The following ARHGEF10L variants were observed in gnomAD, a reference collection of about 807,000 sequenced individuals.
ARHGEF10L encodes Rho guanine nucleotide exchange factor 10 like, also known as rho guanine nucleotide exchange factor 10-like protein.
Under a neutral mutation model 141.2 loss-of-function variants are expected in ARHGEF10L, and 69 were observed. The ratio of observed to expected loss-of-function variants is 0.49; its 90% CI spans 0.40 to 0.60. The LOEUF (loss-of-function observed/expected upper bound fraction) is 0.60, where lower values mean the gene tolerates loss of function less well. ARHGEF10L is among the 20% of genes least tolerant of loss of function. The pLI is 0.00. For synonymous variants in ARHGEF10L, 711 were observed against 718.5 expected, an observed-to-expected ratio of 0.99 and a Z score of 0.17; for missense variants, 1,482 against 1,734.3, an observed-to-expected ratio of 0.85 and a Z score of 2.58.
rs141323734 is a variant in ARHGEF10L at position 17,653,394 on chromosome 1, C to T, written c.2395-1242C>T. On this transcript the variant is annotated intron_variant, in intron 22 of 28. Coordinates refer to ENST00000361221, the MANE Select transcript of ARHGEF10L (RefSeq NM_018125.4). ...AGGAGAGGAGCCATTTGAGTATTTT[C>T]CACCATCTTCGACCCGGCTCTGTTG... is the stretch of plus-strand genomic sequence containing the variant. 2.4e-4 allele frequency among the ~76,000 whole-genome samples: 37 copies of T among 152,340 alleles called. No individual in the cohort carries two copies. In the East Asian group the frequency reaches 6.8e-3, roughly 28 times the overall value.
chr1:17,619,487 G>T lies in ARHGEF10L; in HGVS notation c.942+42G>T. 3 of 1,456,860 alleles carry T rather than the reference G, an allele frequency of 2.1e-6. No homozygotes were observed. Among genetic ancestry groups the T allele is most frequent in the South Asian group, 2.5e-5 (2 of 79,982 alleles). The allele number at this position is 1,456,860 out of a possible 1,614,324, so 90.2% of individuals were successfully genotyped here. A position where few individuals can be genotyped will look rare whatever the true frequency, so the allele number is the denominator to read the frequency against. ...GGCAGGTGGGGGTCTGCAGGGGAAG[G>T]GGTGGCTTGGGGGTTCCAGCCTGTT... On this transcript the variant is annotated intron_variant, in intron 10 of 28. Coordinates refer to ENST00000361221, the MANE Select transcript of ARHGEF10L (RefSeq NM_018125.4). This position sits in a 1 kb window ranked among gnomAD's most constrained non-coding sequence, Gnocchi z 5.0.
At chr1:17,570,308 T>C (rs1232510425) in intron 1 of ARHGEF10L, among the ~76,000 whole-genome samples, 1 of 152,154 alleles carries the variant, frequency 6.6e-6, no homozygotes, top group Admixed American at 6.5e-5. Context: ...GGACACTGGG[T>C]CAGGGCATGT....
chr1:17,538,027 T>C (rs1290950138), upstream of ARHGEF10L, among the ~76,000 whole-genome samples: 13 of 151,842 alleles, frequency 8.6e-5, no homozygotes, highest in Admixed American at 8.5e-4. Flanking sequence ...GGTGAGCTGA[T>C]TGTGCCAGCC....
rs1310538953 is a variant in ARHGEF10L at position 17,654,184 on chromosome 1, G to A, written c.2395-452G>A. On this transcript the variant is annotated intron_variant, in intron 22 of 28. Coordinates refer to ENST00000361221, the MANE Select transcript of ARHGEF10L (RefSeq NM_018125.4). This position sits in a 1 kb window ranked among gnomAD's most constrained non-coding sequence, Gnocchi z 4.3. ...GCAGCTGATTCAGGGGGGAGCAGGC[G>A]GAAGGTGGTTACTGGTGACAGCGGT... Among the ~76,000 whole-genome samples, 4 of 152,194 alleles carry A rather than the reference G, an allele frequency of 2.6e-5. No homozygotes were observed. The highest frequency in any genetic ancestry group is 1.9e-4 in the East Asian group (1 of 5,186).
chr1:17,695,642 C>T (rs536551311), intron 28 of ARHGEF10L, among the ~76,000 whole-genome samples: 1 of 152,336 alleles, frequency 6.6e-6, no homozygotes, highest in African/African-American at 2.4e-5. Context: ...GGGCCAGGCC[C>T]GGCCTGCTCG....
chr1:17,521,853 G>A, the ARHGEF10L span, among the ~76,000 whole-genome samples: 575 of 152,164 alleles, frequency 3.8e-3, 3 homozygotes, highest in Admixed American at 9.6e-3. Context: ...GTTGGAAGGG[G>A]GACATTTAGG....
chr1:17,629,713 C>G (rs1000106735), intron 15 of ARHGEF10L, among the ~76,000 whole-genome samples: 2 of 152,182 alleles, frequency 1.3e-5, no homozygotes, highest in Non-Finnish European at 2.9e-5. Flanking sequence ...AGCCATCCCC[C>G]ACACAAGCCT....
At chr1:17,588,581 C>A in intron 4 of ARHGEF10L, 102 bp downstream of exon 4, 1 of 1,456,256 alleles carries the variant, frequency 6.9e-7, no homozygotes, top group South Asian at 1.2e-5. Context: ...CCCGACTGGT[C>A]TTTGGCTAAG....
At position 17,621,894 on chromosome 1, in the gene ARHGEF10L, G is replaced by C; in HGVS notation, c.973G>C (p.Val325Leu). The change falls in exon 11 of 29, where the codon GTG (valine) becomes CTG (leucine). Residue 325 changes from valine to leucine, a missense_variant. Coordinates refer to ENST00000361221, the MANE Select transcript of ARHGEF10L (RefSeq NM_018125.4). The surrounding 1 kb of genome is among the most constrained non-coding windows in gnomAD (Gnocchi z 4.1). The part of the protein sequence containing the change: ...VVRRHILGSI[V>L]QSEGSYVESL... Reference sequence around the variant, plus strand: ...CCGGAGGCATATCCTGGGCTCCATCGTGCAGAGCGAAGGCAGCTACGTGGA... The same window carrying C: ...CCGGAGGCATATCCTGGGCTCCATCCTGCAGAGCGAAGGCAGCTACGTGGA... The C allele has an allele frequency of 6.2e-7, 1 of 1,614,186 alleles. No individual in the cohort carries two copies. The highest frequency in any genetic ancestry group is 8.5e-7 in the Non-Finnish European group (1 of 1,180,034).
intron 4 of ARHGEF10L, among the ~76,000 whole-genome samples, chr1:17,600,958 G>T (rs948447148): frequency 2.6e-5 from 4 of 151,008 alleles, no homozygotes; most frequent in African/African-American, 9.7e-5. Flanking sequence ...ACTGAGGTGG[G>T]AGGATTGCTT....
rs2078212100 is a variant in ARHGEF10L, at chr1:17,576,114, T to G, written c.-43-4439T>G. On this transcript the variant is annotated intron_variant, in intron 1 of 28. Transcript: ENST00000361221. ...AGACTTTCAGGGCCCCCAAGTGTTT[T>G]CTTCCTCCAGGCCTCATTCAGGTGG... Among the ~76,000 whole-genome samples the G allele has an allele frequency of 2.6e-5, 4 of 152,076 alleles. No individual in the cohort carries two copies. In the South Asian group the frequency reaches 8.3e-4, roughly 32 times the overall value.
chr1:17,602,918 T>G (rs180878105), intron 5 of ARHGEF10L, among the ~76,000 whole-genome samples: 1 of 151,508 alleles, frequency 6.6e-6, no homozygotes, highest in Non-Finnish European at 1.5e-5. Flanking sequence ...ACAGGAAGTC[T>G]GAGGGTGGGA....
At chr1:17,614,844 C>T (rs977399421) in intron 8 of ARHGEF10L, among the ~76,000 whole-genome samples, 1 of 152,176 alleles carries the variant, frequency 6.6e-6, no homozygotes, top group African/African-American at 2.4e-5. Context: ...CCATGCACAG[C>T]ACCTGGTGGC....
rs762516801 is a variant in ARHGEF10L at position 17,664,510 on chromosome 1, G to C, written c.2924G>C (p.Arg975Pro). The change falls in exon 26 of 29, where the codon CGC becomes CCC. Residue 975 changes from arginine (R) to proline (P), a missense_variant. By Grantham distance (103) the Arg-to-Pro change is moderately radical. Transcript: ENST00000361221. ...VCLTVGPGPV[R>P]TLLSLEDAVW... ...CTGACTGTGGGGCCCGGGCCTGTCC[G>C]CACCCTGTTGAGCCTGGAGGATGCC... 6.2e-7 allele frequency: 1 copy of C among 1,607,670 alleles called. No homozygotes were observed.
chr1:17,639,561 C>T lies in ARHGEF10L; in HGVS notation c.2172-641C>T, dbSNP rs2061214249. Among the ~76,000 whole-genome samples the T allele has an allele frequency of 6.6e-6, 1 of 152,148 alleles. No homozygotes were observed. The highest frequency in any genetic ancestry group is 6.5e-5 in the Admixed American group (1 of 15,284). Reference sequence around the variant, plus strand: ...CTGTCCGTCTCCCTTCCTCCATCTCCCTTCTCTCTGCCTCTCATTCTCCAC... The same window carrying T: ...CTGTCCGTCTCCCTTCCTCCATCTCTCTTCTCTCTGCCTCTCATTCTCCAC... On this transcript the variant is annotated intron_variant, in intron 20 of 28. Coordinates refer to ENST00000361221, the MANE Select transcript of ARHGEF10L (RefSeq NM_018125.4). The surrounding 1 kb of genome is among the most constrained non-coding windows in gnomAD (Gnocchi z 4.3).
At chr1:17,629,399 A>G (rs1053851443) in intron 15 of ARHGEF10L, among the ~76,000 whole-genome samples, 12 of 152,056 alleles carry the variant, frequency 7.9e-5, no homozygotes, top group African/African-American at 2.9e-4. Flanking sequence ...TAAAATTCAG[A>G]CTTGTGGGTC....
chr1:17,527,797 G>T, the ARHGEF10L span, among the ~76,000 whole-genome samples: 1 of 151,968 alleles, frequency 6.6e-6, no homozygotes, highest in African/African-American at 2.4e-5. Context: ...TCACTGAGGG[G>T]GTAGGTGACT....
At position 17,640,237 on chromosome 1, in the gene ARHGEF10L, T is replaced by C. The variant is rs2061253312; in HGVS notation, c.2207T>C (p.Ile736Thr). 6.2e-7 allele frequency: 1 copy of C among 1,613,188 alleles called. No homozygotes were observed. The highest frequency in any genetic ancestry group is 8.5e-7 in the Non-Finnish European group (1 of 1,179,676). The change falls in exon 21 of 29, where the codon ATC becomes ACC. Residue 736 changes from isoleucine to threonine, a missense_variant. Around this residue, in one of 3 missense-constraint regions of ARHGEF10L, gnomAD observed 858 missense variants for 966.3 expected, o/e 0.89. Coordinates refer to ENST00000361221, the MANE Select transcript of ARHGEF10L (RefSeq NM_018125.4). ...GRPISFMVVF[I>T]TPNPLSKISW... The stretch of plus-strand genomic sequence containing the variant: ...CCCATTAGCTTCATGGTGGTTTTCA[T>C]CACCCCCAACCCCCTGAGCAAGATT...
At chr1:17,672,365 G>A in intron 26 of ARHGEF10L, among the ~76,000 whole-genome samples, 1 of 152,100 alleles carries the variant, frequency 6.6e-6, no homozygotes, top group Non-Finnish European at 1.5e-5. Context: ...GAAACGGGTG[G>A]GAATTTGCAA....
Sources: gnomAD v4.1 joint callset for allele counts (sites outside exome capture counted in the v4.1 genomes callset) on GRCh38, gnomAD v4.1.1 for gene constraint, gnomAD v4.1.1 regional missense constraint, Gnocchi (gnomAD v3.1) non-coding constraint, MANE v1.5 for transcripts, NCBI Gene and HGNC (gene_info 2026-07-23, HGNC 2026-07-21) for gene names.